Variants in EDIL3 observed in about 807,000 individuals in gnomAD.
The protein encoded by EDIL3 is EGF like and discoidin domains 3, also known as EGF-like repeat and discoidin I-like domain-containing protein 3.
A neutral mutation model predicts 67.4 loss-of-function variants in EDIL3; 37 were observed. That is an observed-to-expected ratio of 0.55 (90% confidence interval 0.42 to 0.72). EDIL3 has a LOEUF of 0.72. Ranked by LOEUF, EDIL3 falls within the 30% of genes least tolerant of loss-of-function variation. EDIL3 has a pLI of 0.00. For synonymous variants in EDIL3, 195 were observed against 196.3 expected (o/e 0.99, Z 0.05); for missense variants, 527 against 586.3 (o/e 0.90, Z 1.04).
At chr5:84,164,652 C>T (rs945657318) in intron 4 of EDIL3, among the ~76,000 whole-genome samples, 1 of 152,000 alleles carries the variant, frequency 6.6e-6, no homozygotes, top group African/African-American at 2.4e-5. Flanking sequence ...TTAGTGTGCT[C>T]TTATCACTCA....
intron 5 of EDIL3, 44 bp from the exon 6 acceptor site, chr5:84,106,874 T>G (rs773131033): frequency 1.3e-6 from 2 of 1,549,122 alleles, no homozygotes; most frequent in Non-Finnish European, 1.7e-6. Context: ...TTAGAAACAA[T>G]GCATATACAA....
chr5:84,311,082 G>A (rs900086616), intron 1 of EDIL3, among the ~76,000 whole-genome samples: 1 of 151,710 alleles, frequency 6.6e-6, no homozygotes, highest in Non-Finnish European at 1.5e-5. Context: ...TGATGAATAT[G>A]CCAATTTATT....
chr5:83,990,250 A>T (rs1427807598), intron 9 of EDIL3, among the ~76,000 whole-genome samples: 2 of 152,186 alleles, frequency 1.3e-5, no homozygotes, highest in Non-Finnish European at 2.9e-5. Flanking sequence ...GCACTTTGGG[A>T]GGCCAAGGCA....
intron 1 of EDIL3, among the ~76,000 whole-genome samples, chr5:84,360,350 T>C (rs1235754310): frequency 1.3e-5 from 2 of 152,212 alleles, no homozygotes; most frequent in African/African-American, 4.8e-5. Flanking sequence ...TGAGAAAATA[T>C]AGGAACAATC....
intron 9 of EDIL3, among the ~76,000 whole-genome samples, chr5:83,997,530 G>A (rs1745256090): frequency 6.6e-6 from 1 of 152,152 alleles, no homozygotes; most frequent in Admixed American, 6.5e-5. Flanking sequence ...ATGGAATTTA[G>A]ATAGAAAAGG....
At chr5:83,977,929 G>A (rs1744902485) in intron 9 of EDIL3, among the ~76,000 whole-genome samples, 1 of 151,650 alleles carries the variant, frequency 6.6e-6, no homozygotes, top group African/African-American at 2.4e-5. Flanking sequence ...TTAAATGCAG[G>A]GTGAAATTCT....
At chr5:84,303,411 T>G (rs781726973) in intron 1 of EDIL3, among the ~76,000 whole-genome samples, 1 of 152,162 alleles carries the variant, frequency 6.6e-6, no homozygotes, top group Non-Finnish European at 1.5e-5. Context: ...ATTCTAGCCA[T>G]GCATAAACAT....
intron 1 of EDIL3, among the ~76,000 whole-genome samples, chr5:84,303,830 G>C (rs978568265): frequency 2.7e-5 from 4 of 147,670 alleles, no homozygotes; most frequent in African/African-American, 7.7e-5. Context: ...GTGTGTGTGT[G>C]TGTGTGTGTG....
Position 84,208,720 on chromosome 5 carries a change from A to AGG in EDIL3, c.226+21134_226+21135insCC, listed in dbSNP as rs1208141420. 4.3e-4 allele frequency among the ~76,000 whole-genome samples: 65 copies of AGG among 149,980 alleles called. 2 individuals are homozygous for AGG. In the East Asian group the frequency reaches 0.012, roughly 27 times the overall value. On this transcript the variant is annotated intron_variant, in intron 3 of 10. Coordinates refer to ENST00000296591, the MANE Select transcript of EDIL3 (RefSeq NM_005711.5). ...AAAAAAAAAAAAAAAAAAAGTCAGG[A>AGG]AACAACAGGTGCTAGAGAGGATGTG...
chr5:83,958,774 A>G (rs1744557818), intron 10 of EDIL3, among the ~76,000 whole-genome samples: 1 of 151,456 alleles, frequency 6.6e-6, no homozygotes, highest in South Asian at 2.1e-4. Flanking sequence ...CAAGTTTTGC[A>G]GTTTTCCTGC....
chr5:84,300,034 TGAC>T (rs1433291935), intron 1 of EDIL3, among the ~76,000 whole-genome samples: 65 of 152,368 alleles, frequency 4.3e-4, no homozygotes, highest in African/African-American at 1.3e-3. Context: ...TATCATGAAC[TGAC>T]TGGCTAATAA....
chr5:84,287,117 T>C (rs752746014), intron 1 of EDIL3, among the ~76,000 whole-genome samples: 1 of 152,164 alleles, frequency 6.6e-6, no homozygotes, highest in Non-Finnish European at 1.5e-5. Flanking sequence ...TTGGTGATTA[T>C]TTATATAATA....
At chr5:84,120,250 G>A (rs907527335) in intron 5 of EDIL3, among the ~76,000 whole-genome samples, 1 of 151,940 alleles carries the variant, frequency 6.6e-6, no homozygotes, top group Non-Finnish European at 1.5e-5. Context: ...ATATAGGAGT[G>A]TGGCTTTTAT....
chr5:84,044,718 G>A (rs926164338), intron 9 of EDIL3, among the ~76,000 whole-genome samples: 11 of 152,106 alleles, frequency 7.2e-5, no homozygotes, highest in African/African-American at 2.4e-4. Context: ...CTCTGCGGGC[G>A]GTAGAAAGCC....
chr5:84,198,060 A>T (rs369008757), intron 3 of EDIL3, among the ~76,000 whole-genome samples: 1 of 152,184 alleles, frequency 6.6e-6, no homozygotes, highest in Non-Finnish European at 1.5e-5. Flanking sequence ...ATGGGGCACA[A>T]CATCTGAGTA....
chr5:84,319,824 A>C (rs917743025), intron 1 of EDIL3, among the ~76,000 whole-genome samples: 4 of 152,158 alleles, frequency 2.6e-5, no homozygotes, highest in Non-Finnish European at 5.9e-5. Flanking sequence ...TGCAGCCATA[A>C]AAAAGGATGA....
chr5:84,165,200 C>T (rs922855633), intron 4 of EDIL3, among the ~76,000 whole-genome samples: 3 of 152,074 alleles, frequency 2.0e-5, no homozygotes, highest in East Asian at 1.9e-4. Context: ...GACTCTGGTC[C>T]TTAGGAACTT....
intron 10 of EDIL3, 143 bp from the exon 11 acceptor site, chr5:83,943,711 T>C (rs942681489): frequency 1.5e-5 from 13 of 876,356 alleles, no homozygotes; most frequent in Non-Finnish European, 2.1e-5. Context: ...TTGCAGCTTC[T>C]TTTTAATAAT....
chr5:84,095,646 G>C (rs973699166), intron 6 of EDIL3, among the ~76,000 whole-genome samples: 1 of 152,210 alleles, frequency 6.6e-6, no homozygotes, highest in Non-Finnish European at 1.5e-5. Flanking sequence ...GCTGTATTGG[G>C]TGCTGTTAAA....
Sources: gnomAD v4.1 joint callset for allele counts (sites outside exome capture counted in the v4.1 genomes callset) on GRCh38, gnomAD v4.1.1 for gene constraint, MANE v1.5 for transcripts, NCBI Gene and HGNC (gene_info 2026-07-23, HGNC 2026-07-21) for gene names.